SHANK2: variants seen among roughly 807,000 people sequenced by gnomAD.
SHANK2 encodes the protein SH3 and multiple ankyrin repeat domains protein 2.
A neutral mutation model predicts 133.7 loss-of-function variants in SHANK2; 43 were observed. That is an observed-to-expected ratio of 0.32 (90% CI 0.25 to 0.41). SHANK2 has a LOEUF of 0.41. Among genes scored for constraint, SHANK2 ranks in the 10% least tolerant of loss-of-function variants. The pLI is 1.00. For missense variants in SHANK2, 1,994 were observed against 2,235.8 expected (o/e 0.89, Z 2.18); for synonymous variants, 1,017 against 952.8 (o/e 1.07, Z -1.24).
intron 15 of SHANK2, among the ~76,000 whole-genome samples, chr11:70,689,810 G>GA (rs374811909): frequency 2.0e-5 from 3 of 152,120 alleles, no homozygotes; most frequent in African/African-American, 7.2e-5. Context: ...GAACTGAAAA[G>GA]AAAAAATAGA....
At chr11:71,059,179 T>G (rs1950957875) in intron 9 of SHANK2, among the ~76,000 whole-genome samples, 1 of 152,068 alleles carries the variant, frequency 6.6e-6, no homozygotes, top group Non-Finnish European at 1.5e-5. Context: ...ACTGTGCCAT[T>G]GCACTCCAGC....
intron 10 of SHANK2, chr11:70,943,955 C>A: frequency 4.4e-6 from 2 of 456,670 alleles, no homozygotes; most frequent in East Asian, 6.9e-5. Context: ...TGACTTCCTG[C>A]CAGGGAAGAT....
intron 17 of SHANK2, among the ~76,000 whole-genome samples, chr11:70,504,644 G>A (rs554640756): frequency 1.3e-5 from 2 of 152,324 alleles, no homozygotes; most frequent in East Asian, 3.9e-4. Flanking sequence ...TCCTAATGGG[G>A]CCTTGGGAGA....
At chr11:71,213,617 G>A (rs192375657) in intron 2 of SHANK2, among the ~76,000 whole-genome samples, 80 of 152,240 alleles carry the variant, frequency 5.3e-4, no homozygotes, top group Admixed American at 4.5e-3. Context: ...GAACTCTGAG[G>A]GTCTCCTTCT....
intron 8 of SHANK2, among the ~76,000 whole-genome samples, chr11:71,091,275 G>A (rs1482167849): frequency 4.6e-5 from 7 of 152,010 alleles, no homozygotes; most frequent in Non-Finnish European, 1.0e-4. Context: ...CTCATCCCTC[G>A]GGAGGAACAG....
intron 1 of SHANK2, among the ~76,000 whole-genome samples, chr11:71,248,843 C>G (rs143626241): frequency 3.7e-4 from 56 of 152,260 alleles, no homozygotes; most frequent in Middle Eastern, 6.8e-3. Context: ...TTTCTATGCC[C>G]TGCAGCACTC....
At chr11:70,654,763 G>GT (rs1384614672) in intron 17 of SHANK2, among the ~76,000 whole-genome samples, 53 of 135,550 alleles carry the variant, frequency 3.9e-4, no homozygotes, top group Middle Eastern at 7.3e-3. Context: ...TTTTGTTTTT[G>GT]TTTTTTTTGT....
At chr11:70,879,783 T>C (rs1432640134) in intron 11 of SHANK2, among the ~76,000 whole-genome samples, 1 of 152,174 alleles carries the variant, frequency 6.6e-6, no homozygotes, top group Non-Finnish European at 1.5e-5. Context: ...CCCTCTCTCC[T>C]GGCACCAGCT....
Position 71,109,990 on chromosome 11 carries a change from C to T in SHANK2, c.543G>A (p.Lys181=). The T allele has an allele frequency of 6.4e-7, 1 of 1,551,792 alleles. No individual in the cohort carries two copies. The highest frequency in any genetic ancestry group is 8.7e-7 in the Non-Finnish European group (1 of 1,146,996). The change falls in exon 6 of 26, where the codon AAG becomes AAA. Residue 181 remains lysine (K), a synonymous_variant. Transcript: ENST00000601538. Reference sequence around the variant, plus strand: ...TGGGATCCAGGCCTCGGTCCAGCATCTTGGTGATCTTCTCCACCAAGCGAT... The same window carrying T: ...TGGGATCCAGGCCTCGGTCCAGCATTTTGGTGATCTTCTCCACCAAGCGAT... ...IQHRLVEKIT[K]MLDRGLDPNF...
intron 10 of SHANK2, among the ~76,000 whole-genome samples, chr11:70,899,751 A>T (rs1555076402): frequency 6.6e-6 from 1 of 152,146 alleles, no homozygotes; most frequent in East Asian, 1.9e-4. Context: ...CTGGCTCAGG[A>T]TGGCACTAGG....
At chr11:70,777,450 C>T (rs1947390718) in intron 14 of SHANK2, among the ~76,000 whole-genome samples, 1 of 151,826 alleles carries the variant, frequency 6.6e-6, no homozygotes, top group Non-Finnish European at 1.5e-5. Flanking sequence ...ACTCTTCATC[C>T]TTCCAACCCT....
intron 14 of SHANK2, among the ~76,000 whole-genome samples, chr11:70,773,155 G>A (rs1555043238): frequency 6.6e-6 from 1 of 152,196 alleles, no homozygotes; most frequent in Non-Finnish European, 1.5e-5. Context: ...TGGGGGTGAG[G>A]CAACCACACT....
intron 20 of SHANK2, 107 bp downstream of exon 20, chr11:70,501,816 G>A (rs1190814762): frequency 1.7e-6 from 2 of 1,161,222 alleles, no homozygotes; most frequent in East Asian, 2.6e-5. Context: ...TGAGCCACGT[G>A]GGGAGCAGCT....
At chr11:70,654,461 AT>A (rs1441133722) in intron 17 of SHANK2, 2 of 152,176 alleles carry the variant, frequency 1.3e-5, no homozygotes, top group Non-Finnish European at 2.9e-5. Flanking sequence ...AAATAACACA[AT>A]CTCACCACCT....
At chr11:70,617,311 G>T (rs903032363) in intron 17 of SHANK2, among the ~76,000 whole-genome samples, 1 of 151,988 alleles carries the variant, frequency 6.6e-6, no homozygotes, top group Non-Finnish European at 1.5e-5. Flanking sequence ...GAGTATGTGT[G>T]TGTGTGTGTG....
chr11:70,686,168 TTCCA>T (rs1459791417), intron 15 of SHANK2, among the ~76,000 whole-genome samples: 1 of 125,688 alleles, frequency 8.0e-6, no homozygotes, highest in East Asian at 2.5e-4. Context: ...CCTTCCTTCC[TTCCA>T]TCCATCCATC....
intron 17 of SHANK2, among the ~76,000 whole-genome samples, chr11:70,568,199 T>C (rs1421733759): frequency 6.6e-6 from 1 of 152,222 alleles, no homozygotes; most frequent in African/African-American, 2.4e-5. Context: ...AGCTGCAGCC[T>C]CTTCCGCGAG....
At chr11:70,856,663 G>A (rs1409196747) in intron 11 of SHANK2, among the ~76,000 whole-genome samples, 1 of 152,092 alleles carries the variant, frequency 6.6e-6, no homozygotes, top group Non-Finnish European at 1.5e-5. Flanking sequence ...TGCCTCTAGG[G>A]GGTGTGAGTT....
At chr11:71,139,588 C>A (rs1185200759) in intron 3 of SHANK2, among the ~76,000 whole-genome samples, 3 of 152,232 alleles carry the variant, frequency 2.0e-5, no homozygotes, top group African/African-American at 7.2e-5. Context: ...CTCATTCACA[C>A]TCCCCCAGAA....
Sources: gnomAD v4.1 joint callset for allele counts (sites outside exome capture counted in the v4.1 genomes callset) on GRCh38, gnomAD v4.1.1 for gene constraint, MANE v1.5 for transcripts, NCBI Gene and HGNC (gene_info 2026-07-23, HGNC 2026-07-21) for gene names.